Variants in CASK observed in about 807,000 individuals in gnomAD.
CASK encodes peripheral plasma membrane protein CASK.
CASK carries 4 observed loss-of-function variants against 82.9 expected under a neutral mutation model. The ratio of observed to expected loss-of-function variants is 0.05; its 90% CI spans 0.02 to 0.11. The LOEUF (loss-of-function observed/expected upper bound fraction) is 0.11. Ranked by LOEUF, CASK falls within the 10% of genes least tolerant of loss-of-function variation. The pLI, the probability that CASK is intolerant of heterozygous loss-of-function variation, is 1.00. For missense variants in CASK, 358 were observed against 720.9 expected (o/e 0.50, Z 5.76); for synonymous variants, 259 against 253.5 (o/e 1.02, Z -0.20).
At chrX:41,747,717 A>G (rs749296484) in intron 3 of CASK, among the ~76,000 whole-genome samples, 2 of 112,822 alleles carry the variant, frequency 1.8e-5, no homozygotes, top group South Asian at 7.3e-4. Flanking sequence ...CTGGGATTAC[A>G]GGCATGAGCC....
At chrX:41,660,362 T>C in intron 8 of CASK, 77 bp downstream of exon 8, 1 of 873,350 alleles carries the variant, frequency 1.1e-6, no homozygotes, top group Non-Finnish European at 1.7e-6. Context: ...AAAAGGACCA[T>C]CTCATAGAGC....
intron 16 of CASK, among the ~76,000 whole-genome samples, chrX:41,568,246 A>G (rs1288034589): frequency 9.0e-6 from 1 of 111,183 alleles, no homozygotes; most frequent in Non-Finnish European, 1.9e-5. Context: ...AATAAAAAAC[A>G]AAAAAGAAAA....
intron 4 of CASK, among the ~76,000 whole-genome samples, chrX:41,740,211 A>G (rs1488650458): frequency 8.9e-6 from 1 of 111,945 alleles, no homozygotes; most frequent in Non-Finnish European, 1.9e-5. Context: ...TCCTATTTCT[A>G]AAGTTCTTCT....
intron 5 of CASK, chrX:41,729,339 T>G (rs2068326364): frequency 1.6e-5 from 2 of 123,124 alleles, no homozygotes; most frequent in African/African-American, 6.5e-5. Flanking sequence ...AGTAAGCACT[T>G]GCTGTTTGCC....
rs185770949 is a variant in CASK, at chrX:41,860,454, C to T, written c.60-7227G>A. ...CGATTAAAGATAACGATGGTCTGTTCCCTATTTCAACACTATTTAGTGTAG... is the reference window on the plus strand; with the variant it reads ...CGATTAAAGATAACGATGGTCTGTTTCCTATTTCAACACTATTTAGTGTAG... On this transcript the variant is annotated intron_variant, in intron 1 of 26. Coordinates refer to ENST00000378163, the MANE Select transcript of CASK (RefSeq NM_001367721.1). Among the ~76,000 whole-genome samples, 855 of 111,823 alleles carry T rather than the reference C, an allele frequency of 7.6e-3. 9 individuals carry two copies. Among genetic ancestry groups the T allele is most frequent in the Middle Eastern group, 0.028 (6 of 218 alleles).
chrX:41,719,522 T>C (rs1462969111), intron 5 of CASK, among the ~76,000 whole-genome samples: 1 of 112,290 alleles, frequency 8.9e-6, no homozygotes. Context: ...TGTTCCCCGG[T>C]ACCATAAAGA....
intron 9 of CASK, among the ~76,000 whole-genome samples, chrX:41,630,074 T>G (rs1172084267): frequency 8.9e-6 from 1 of 112,119 alleles, no homozygotes; most frequent in African/African-American, 3.2e-5. Flanking sequence ...TCAAGCAAAT[T>G]AACCTAGAAA....
intron 5 of CASK, among the ~76,000 whole-genome samples, chrX:41,709,727 T>G (rs1231140239): frequency 9.0e-6 from 1 of 111,577 alleles, no homozygotes; most frequent in Non-Finnish European, 1.9e-5. Context: ...CTAAATGTGG[T>G]TCTCAGAGAA....
intron 1 of CASK, among the ~76,000 whole-genome samples, chrX:41,893,081 CA>C (rs1408348558): frequency 8.9e-6 from 1 of 112,302 alleles, no homozygotes; most frequent in Non-Finnish European, 1.9e-5. Context: ...TGAAAAGCCA[CA>C]AAACTATAAA....
At chrX:41,727,821 T>C in intron 5 of CASK, 13 of 1,189,364 alleles carry the variant, frequency 1.1e-5, no homozygotes, top group Middle Eastern at 2.3e-4. Context: ...TCCTTCCTTA[T>C]AGTATTTTTA....
chrX:41,719,378 A>G (rs72626422), intron 5 of CASK, among the ~76,000 whole-genome samples: 1 of 112,002 alleles, frequency 8.9e-6, no homozygotes, highest in East Asian at 2.8e-4. Context: ...ACTCCTGGGG[A>G]GTTGGTTCAC....
chrX:41,889,160 G>GAAA (rs572920522), intron 1 of CASK, among the ~76,000 whole-genome samples: 2 of 94,465 alleles, frequency 2.1e-5, no homozygotes, highest in African/African-American at 3.9e-5. Context: ...TGCTATCCTG[G>GAAA]AAAAAAAAAA....
intron 8 of CASK, among the ~76,000 whole-genome samples, chrX:41,653,216 G>A (rs2066889356): frequency 8.9e-6 from 1 of 111,858 alleles, no homozygotes; most frequent in South Asian, 3.7e-4. Context: ...TTGCTAGAAC[G>A]GCCCTGGCTC....
At chrX:41,700,889 A>C (rs1399026975) in intron 5 of CASK, among the ~76,000 whole-genome samples, 1 of 91,672 alleles carries the variant, frequency 1.1e-5, no homozygotes, top group African/African-American at 4.1e-5. Flanking sequence ...CTGAGATTGC[A>C]CCACTGCACT....
chrX:41,658,274 G>A lies in CASK; in HGVS notation c.831+2165C>T, dbSNP rs193110634. ...CTGTAGCAAATTAACCAACCCCAAA[G>A]AGGAAGAGGCTGTGGTGTCCCCAAT... On this transcript the variant is annotated intron_variant, in intron 8 of 26. Transcript: ENST00000378163. Among the ~76,000 whole-genome samples, 142 of 112,439 alleles carry A rather than the reference G, an allele frequency of 1.3e-3. 1 individual carries two copies. The highest frequency in any genetic ancestry group is 2.0e-3 in the Non-Finnish European group (106 of 53,308).
chrX:41,526,396 C>T (rs896002536), intron 25 of CASK, among the ~76,000 whole-genome samples: 5 of 112,107 alleles, frequency 4.5e-5, no homozygotes, highest in African/African-American at 1.6e-4. Flanking sequence ...AGAATGACAC[C>T]CTGGGCATGA....
intron 3 of CASK, among the ~76,000 whole-genome samples, chrX:41,767,826 G>A (rs779094032): frequency 1.8e-5 from 2 of 111,355 alleles, no homozygotes; most frequent in Non-Finnish European, 3.8e-5. Flanking sequence ...ATATACGCAG[G>A]AATGATCACT....
chrX:41,676,127 C>A (rs182792149), intron 5 of CASK: 87 of 1,148,070 alleles, frequency 7.6e-5, no homozygotes, highest in East Asian at 6.3e-4. Flanking sequence ...GTAGTAATCT[C>A]CTTTCATTTT....
intron 1 of CASK, among the ~76,000 whole-genome samples, chrX:41,857,013 C>A (rs186192655): frequency 9.0e-6 from 1 of 110,542 alleles, no homozygotes; most frequent in Non-Finnish European, 1.9e-5. Flanking sequence ...GAATATCTGA[C>A]TAGCTCAGAA....
Sources: gnomAD v4.1 joint callset for allele counts (sites outside exome capture counted in the v4.1 genomes callset) on GRCh38, gnomAD v4.1.1 for gene constraint, MANE v1.5 for transcripts, NCBI Gene and HGNC (gene_info 2026-07-23, HGNC 2026-07-21) for gene names.